DCUN1D3: variants seen among roughly 807,000 people sequenced by gnomAD.
DCUN1D3 encodes DCN1-like protein 3.
In DCUN1D3, 6 loss-of-function variants were observed where a neutral mutation model predicts 24.8. The observed-to-expected ratio is 0.24, with a 90% CI of 0.13 to 0.48. DCUN1D3 has a LOEUF of 0.48. Among genes scored for constraint, DCUN1D3 ranks in the 20% least tolerant of loss-of-function variants. The pLI is 0.99. For missense variants in DCUN1D3, 258 were observed against 379.4 expected (o/e 0.68, Z 2.66); for synonymous variants, 120 against 144.9 (o/e 0.83, Z 1.24).
At chr16:20,894,547 T>C (rs1403981280) in intron 1 of DCUN1D3, among the ~76,000 whole-genome samples, 1 of 152,186 alleles carries the variant, frequency 6.6e-6, no homozygotes, top group Non-Finnish European at 1.5e-5. Flanking sequence ...GGATCAGGGA[T>C]GATGCTTCCC....
chr16:20,880,604 C>CAAAAAAAAAAAA (rs34275241), intron 1 of DCUN1D3, among the ~76,000 whole-genome samples: 2 of 51,922 alleles, frequency 3.9e-5, no homozygotes, highest in African/African-American at 9.2e-5. Flanking sequence ...GACCCTGTCT[C>CAAAAAAAAAAAA]AAAAAAAAAA....
At chr16:20,871,241 TA>T (rs1349078290) in intron 1 of DCUN1D3, among the ~76,000 whole-genome samples, 2 of 152,218 alleles carry the variant, frequency 1.3e-5, no homozygotes, top group Non-Finnish European at 2.9e-5. Flanking sequence ...TTCCAGCTTT[TA>T]AAAGACTTTT....
chr16:20,890,983 T>C (rs2081889698), intron 1 of DCUN1D3, among the ~76,000 whole-genome samples: 1 of 150,906 alleles, frequency 6.6e-6, no homozygotes. Flanking sequence ...GTTGTAGAAA[T>C]GTGAAGTAAA....
In DCUN1D3 at chr16:20,859,717, A is replaced by G; in HGVS notation, c.*169T>C. ...AACCAAAATAACCAAAAAAATGAAG[A>G]AAGTGCCTAAAACATGATACAGCAT... On this transcript the variant is annotated 3_prime_UTR_variant, in exon 3 of 3. Transcript: ENST00000324344. 1.1e-5 allele frequency: 10 copies of G among 881,722 alleles called. No individual in the cohort carries two copies. Among genetic ancestry groups the G allele is most frequent in the Non-Finnish European group, 1.4e-5 (9 of 625,614 alleles). 54.6% of individuals were successfully genotyped at this position (881,722 alleles called of 1,614,324 possible).
chr16:20,876,801 C>T (rs1270253024), intron 1 of DCUN1D3, among the ~76,000 whole-genome samples: 1 of 152,148 alleles, frequency 6.6e-6, no homozygotes, highest in Non-Finnish European at 1.5e-5. Context: ...TCATAGGCAA[C>T]ACGGTTGGAA....
intron 1 of DCUN1D3, among the ~76,000 whole-genome samples, chr16:20,873,226 G>C (rs749999846): frequency 6.6e-6 from 1 of 151,990 alleles, no homozygotes; most frequent in Non-Finnish European, 1.5e-5. Flanking sequence ...GAGAAAAGCA[G>C]CTTAATCCTA....
intron 1 of DCUN1D3, among the ~76,000 whole-genome samples, chr16:20,891,519 G>A (rs1191117495): frequency 6.6e-6 from 1 of 152,172 alleles, no homozygotes; most frequent in Non-Finnish European, 1.5e-5. Context: ...TGGAGGCCGG[G>A]GGAATTGGCC....
chr16:20,882,013 G>A (rs548283363), intron 1 of DCUN1D3, among the ~76,000 whole-genome samples: 2 of 152,154 alleles, frequency 1.3e-5, no homozygotes, highest in African/African-American at 4.8e-5. Flanking sequence ...GTGTTGGTCA[G>A]GCTGGTCTCA....
chr16:20,863,890 A>C (rs1397683258), intron 1 of DCUN1D3, among the ~76,000 whole-genome samples: 1 of 152,220 alleles, frequency 6.6e-6, no homozygotes, highest in African/African-American at 2.4e-5. Flanking sequence ...CCTATTCAAT[A>C]AATGGTGCTG....
chr16:20,871,354 AAAG>A (rs2081787228), intron 1 of DCUN1D3, among the ~76,000 whole-genome samples: 1 of 152,222 alleles, frequency 6.6e-6, no homozygotes, highest in South Asian at 2.1e-4. Flanking sequence ...GTGCAAAAGA[AAAG>A]AGGGAGGAAG....
chr16:20,899,774 G>A (rs1175091727), intron 1 of DCUN1D3: 3 of 152,270 alleles, frequency 2.0e-5, no homozygotes, highest in African/African-American at 7.2e-5. Flanking sequence ...TCAGGTCTGA[G>A]CCCCTTAATT....
chr16:20,880,722 C>T (rs1402054541), intron 1 of DCUN1D3, among the ~76,000 whole-genome samples: 1 of 151,986 alleles, frequency 6.6e-6, no homozygotes. Context: ...TACTATGTCC[C>T]TAGTGCACTG....
At chr16:20,869,396 T>C (rs1469658758) in intron 1 of DCUN1D3, among the ~76,000 whole-genome samples, 1 of 152,214 alleles carries the variant, frequency 6.6e-6, no homozygotes, top group Admixed American at 6.5e-5. Context: ...AATCAGTATC[T>C]GTGGAGCCTG....
chr16:20,888,725 G>A (rs527848680), intron 1 of DCUN1D3, among the ~76,000 whole-genome samples: 1 of 152,286 alleles, frequency 6.6e-6, no homozygotes, highest in East Asian at 1.9e-4. Context: ...TAAAATGCTA[G>A]GACTACAGGC....
chr16:20,861,460 A>C (rs1050192296), intron 2 of DCUN1D3, among the ~76,000 whole-genome samples: 1 of 152,140 alleles, frequency 6.6e-6, no homozygotes, highest in Admixed American at 6.5e-5. Context: ...ATGGAGGGAG[A>C]GAGGTGTATC....
At chr16:20,878,552 T>C (rs2081827505) in intron 1 of DCUN1D3, among the ~76,000 whole-genome samples, 1 of 152,236 alleles carries the variant, frequency 6.6e-6, no homozygotes, top group Non-Finnish European at 1.5e-5. Context: ...GCTGCTGGTC[T>C]GAACTGCATC....
intron 1 of DCUN1D3, among the ~76,000 whole-genome samples, chr16:20,896,954 C>T (rs2081918702): frequency 6.6e-6 from 1 of 152,144 alleles, no homozygotes. Flanking sequence ...CCAGAACTGC[C>T]CAGAAAGCTC....
At chr16:20,885,688 C>A (rs951260787) in intron 1 of DCUN1D3, among the ~76,000 whole-genome samples, 2 of 152,196 alleles carry the variant, frequency 1.3e-5, no homozygotes, top group East Asian at 3.8e-4. Flanking sequence ...TACTACTACT[C>A]GTTTCCCTTC....
At chr16:20,876,059 GAGGTTCA>G (rs759850479) in intron 1 of DCUN1D3, among the ~76,000 whole-genome samples, 4 of 151,990 alleles carry the variant, frequency 2.6e-5, no homozygotes, top group Non-Finnish European at 5.9e-5. Flanking sequence ...AATCACCTCC[GAGGTTCA>G]AGTGATTCTC....
Sources: gnomAD v4.1 joint callset for allele counts (sites outside exome capture counted in the v4.1 genomes callset) on GRCh38, gnomAD v4.1.1 for gene constraint, MANE v1.5 for transcripts, NCBI Gene and HGNC (gene_info 2026-07-23, HGNC 2026-07-21) for gene names.